The following C8orf34 variants were observed in gnomAD, a reference collection of about 807,000 sequenced individuals.
The protein encoded by C8orf34 is uncharacterized protein C8orf34.
Under a neutral mutation model 68.3 loss-of-function variants are expected in C8orf34, and 65 were observed. The ratio of observed to expected loss-of-function variants is 0.95; its 90% confidence interval spans 0.78 to 1.17. C8orf34 has a LOEUF of 1.17. Among genes scored for constraint, C8orf34 ranks in the 50% most tolerant of loss-of-function variants. The pLI is 0.00. For synonymous variants in C8orf34, 244 were observed against 241.2 expected, an observed-to-expected ratio of 1.01 and a Z score of -0.11; for missense variants, 664 against 655.4, an observed-to-expected ratio of 1.01 and a Z score of -0.14.
At chr8:68,592,360 T>C (rs967400396) in intron 7 of C8orf34, among the ~76,000 whole-genome samples, 1 of 152,132 alleles carries the variant, frequency 6.6e-6, no homozygotes, top group Non-Finnish European at 1.5e-5. Flanking sequence ...TTGGGCTTTT[T>C]CATTAGGTTA....
rs1272521503 is a variant in C8orf34, at chr8:68,747,378, T to TGGCCG, written c.1404+25945_1404+25946insGGGCC. Among the ~76,000 whole-genome samples, 31 of 150,708 alleles carry TGGCCG rather than the reference T, an allele frequency of 2.1e-4. 1 individual carries two copies. Among genetic ancestry groups the TGGCCG allele is most frequent in the Admixed American group, 2.1e-3 (31 of 15,086 alleles). On this transcript the variant is annotated intron_variant, in intron 10 of 13. Coordinates refer to ENST00000518698, the MANE Select transcript of C8orf34 (RefSeq NM_052958.4). The stretch of plus-strand genomic sequence containing the variant: ...CTATTCAACATAGTGTTGGAAGTTC[T>TGGCCG]GGCCAGGGCAATTAGGCAGGAGAAG...
At chr8:68,760,095 G>A (rs899322615) in intron 10 of C8orf34, among the ~76,000 whole-genome samples, 1 of 152,184 alleles carries the variant, frequency 6.6e-6, no homozygotes, top group Non-Finnish European at 1.5e-5. Context: ...GCTTCCTGGA[G>A]AAGTTGGCCT....
intron 7 of C8orf34, among the ~76,000 whole-genome samples, chr8:68,585,688 C>G (rs1817188555): frequency 6.6e-6 from 1 of 152,024 alleles, no homozygotes; most frequent in Non-Finnish European, 1.5e-5. Flanking sequence ...GCTGGAGAGT[C>G]TATTTCCAAG....
rs764833684 is a variant in C8orf34 at position 68,452,087 on chromosome 8, G to A, written c.607+5627G>A. On this transcript the variant is annotated intron_variant, in intron 3 of 13. Coordinates refer to ENST00000518698, the MANE Select transcript of C8orf34 (RefSeq NM_052958.4). ...TGGCTGAATAATATTCCATTGTGTG[G>A]TTAAACCACATTTTGTTTATCCATT... Among the ~76,000 whole-genome samples, 272 of 151,892 alleles carry A rather than the reference G, an allele frequency of 1.8e-3. 4 individuals are homozygous for A. The highest frequency in any genetic ancestry group is 1.8e-3 in the Non-Finnish European group (119 of 67,860).
At position 68,410,374 on chromosome 8, in the gene C8orf34, G is replaced by A. The variant is rs146859897; in HGVS notation, c.328-29125G>A. On this transcript the variant is annotated intron_variant, in intron 1 of 13. Transcript: ENST00000518698. ...GTACAACAATAAAAATAATACAAAT[G>A]AAAACAGTATTATATCTATTTACAG... is the stretch of plus-strand genomic sequence containing the variant. 3.0e-4 allele frequency among the ~76,000 whole-genome samples: 46 copies of A among 152,200 alleles called. 1 individual carries two copies. The highest frequency in any genetic ancestry group is 1.1e-3 in the African/African-American group (46 of 41,524).
intron 8 of C8orf34, among the ~76,000 whole-genome samples, chr8:68,672,600 A>G (rs911905470): frequency 1.3e-5 from 2 of 152,188 alleles, no homozygotes; most frequent in Non-Finnish European, 1.5e-5. Flanking sequence ...GAAATCACTC[A>G]TACCAGCTAT....
rs778701862 is a variant in C8orf34, at chr8:68,445,882, C to T, written c.476-447C>T. Among the ~76,000 whole-genome samples, 18 of 152,204 alleles carry T rather than the reference C, an allele frequency of 1.2e-4. 1 individual carries two copies. The highest frequency in any genetic ancestry group is 4.1e-4 in the South Asian group (2 of 4,820). On this transcript the variant is annotated intron_variant, in intron 2 of 13. Transcript: ENST00000518698. The stretch of plus-strand genomic sequence containing the variant: ...TCGGCTCACTGCAACTTCTGCCTTC[C>T]GGGTTCAAGTAATTCTCCTGTCTCA...
At chr8:68,742,602 C>A (rs531012410) in intron 10 of C8orf34, among the ~76,000 whole-genome samples, 1 of 152,138 alleles carries the variant, frequency 6.6e-6, no homozygotes, top group Non-Finnish European at 1.5e-5. Flanking sequence ...ACTTCTCTTT[C>A]GACTTTCCTG....
chr8:68,817,259 G>T (rs192466956), intron 13 of C8orf34, among the ~76,000 whole-genome samples: 2 of 152,140 alleles, frequency 1.3e-5, no homozygotes, highest in Admixed American at 1.3e-4. Flanking sequence ...TGCATATCAG[G>T]AGAGTTCTAT....
At chr8:68,721,081 A>G (rs1305664802) in intron 9 of C8orf34, among the ~76,000 whole-genome samples, 4 of 152,024 alleles carry the variant, frequency 2.6e-5, no homozygotes, top group Admixed American at 1.3e-4. Flanking sequence ...TTAGCTGGAT[A>G]ATATGCCAAA....
intron 1 of C8orf34, among the ~76,000 whole-genome samples, chr8:68,377,885 C>T (rs1057088724): frequency 1.2e-4 from 19 of 152,156 alleles, no homozygotes; most frequent in African/African-American, 4.6e-4. Context: ...TAAGCAGGCA[C>T]CTTCTTCACA....
At chr8:68,345,777 A>T (rs1434810038) in intron 1 of C8orf34, among the ~76,000 whole-genome samples, 2 of 152,062 alleles carry the variant, frequency 1.3e-5, no homozygotes, top group Non-Finnish European at 2.9e-5. Context: ...TATTATATAT[A>T]TGTGTGTGGT....
rs1814947916 is a variant in C8orf34, at chr8:68,525,709, G to A, written c.938+3738G>A. Reference sequence around the variant, plus strand: ...TGATCACTCCATATTTGTTTAGCCTGCCTGTGAGGTTCACAACAATCTTCC... The same window carrying A: ...TGATCACTCCATATTTGTTTAGCCTACCTGTGAGGTTCACAACAATCTTCC... On this transcript the variant is annotated intron_variant, in intron 6 of 13. Coordinates refer to ENST00000518698, the MANE Select transcript of C8orf34 (RefSeq NM_052958.4). 3 of 652,780 alleles carry A rather than the reference G, an allele frequency of 4.6e-6. No individual in the cohort carries two copies. The African/African-American group carries it at 5.4e-5, about 12-fold the overall frequency. The allele number at this position is 652,780 out of a possible 1,614,324, so 40.4% of individuals were successfully genotyped here. A position where few individuals can be genotyped will look rare whatever the true frequency, so the allele number is the denominator to read the frequency against.
chr8:68,501,005 C>T (rs980310056), intron 5 of C8orf34, among the ~76,000 whole-genome samples: 2 of 151,928 alleles, frequency 1.3e-5, no homozygotes, highest in Non-Finnish European at 2.9e-5. Context: ...TCTTGAAGAA[C>T]CTGTGCAACT....
intron 7 of C8orf34, among the ~76,000 whole-genome samples, chr8:68,610,511 T>C (rs1188427357): frequency 6.6e-6 from 1 of 152,198 alleles, no homozygotes; most frequent in Non-Finnish European, 1.5e-5. Flanking sequence ...AAATCTAATG[T>C]AATCATATTT....
chr8:68,479,666 G>A (rs372864328), intron 4 of C8orf34, among the ~76,000 whole-genome samples: 3 of 152,160 alleles, frequency 2.0e-5, no homozygotes, highest in African/African-American at 7.2e-5. Flanking sequence ...TGAGGGGGAT[G>A]AAGGGTCAGG....
chr8:68,391,714 T>C (rs930152680), intron 1 of C8orf34, among the ~76,000 whole-genome samples: 2 of 152,190 alleles, frequency 1.3e-5, no homozygotes, highest in Non-Finnish European at 2.9e-5. Flanking sequence ...TCACACTCCA[T>C]GTCCATCTGA....
intron 1 of C8orf34, among the ~76,000 whole-genome samples, chr8:68,360,759 T>C (rs563180596): frequency 6.8e-6 from 1 of 147,978 alleles, no homozygotes; most frequent in East Asian, 2.0e-4. Flanking sequence ...TTCCTTTCTT[T>C]TTTTTTTTTT....
chr8:68,430,580 T>TG (rs753904584), intron 1 of C8orf34, among the ~76,000 whole-genome samples: 2 of 152,156 alleles, frequency 1.3e-5, no homozygotes, highest in Non-Finnish European at 2.9e-5. Flanking sequence ...ATTGAACTGT[T>TG]GGACATATGA....
Sources: gnomAD v4.1 joint callset for allele counts (sites outside exome capture counted in the v4.1 genomes callset) on GRCh38, gnomAD v4.1.1 for gene constraint, MANE v1.5 for transcripts, NCBI Gene and HGNC (gene_info 2026-07-23, HGNC 2026-07-21) for gene names.